Variants in SCUBE1 observed in about 807,000 individuals in gnomAD.
SCUBE1 encodes the protein signal peptide, CUB domain and EGF like domain containing 1, also known as signal peptide, CUB and EGF-like domain-containing protein 1.
Under a neutral mutation model 124.4 loss-of-function variants are expected in SCUBE1, and 59 were observed. The ratio of observed to expected loss-of-function variants is 0.47; its 90% confidence interval spans 0.38 to 0.59. The LOEUF is 0.59. Ranked by LOEUF, SCUBE1 falls within the 20% of genes least tolerant of loss-of-function variation. The pLI is 0.00. For synonymous variants in SCUBE1, 545 were observed against 550.9 expected (o/e 0.99, Z 0.15); for missense variants, 1,150 against 1,371.2 (o/e 0.84, Z 2.55).
intron 7 of SCUBE1, chr22:43,232,211 T>C: frequency 3.8e-6 from 1 of 264,910 alleles, no homozygotes; most frequent in Non-Finnish European, 7.6e-6. Flanking sequence ...CTCTCCCATG[T>C]CCTCTCTTCT....
intron 4 of SCUBE1, among the ~76,000 whole-genome samples, chr22:43,277,157 T>C (rs1924558229): frequency 6.6e-6 from 1 of 151,780 alleles, no homozygotes; most frequent in South Asian, 2.1e-4. Context: ...GGGTTCTCAG[T>C]GAGCGATGGT....
chr22:43,227,594 C>T, intron 9 of SCUBE1, 98 bp from the exon 10 acceptor site: 1 of 1,482,200 alleles, frequency 6.7e-7, no homozygotes, highest in Non-Finnish European at 9.2e-7. Context: ...AATCTCCTGA[C>T]CCCACCGAGT....
intron 4 of SCUBE1, among the ~76,000 whole-genome samples, chr22:43,268,878 G>C (rs755216850): frequency 2.6e-5 from 4 of 152,216 alleles, no homozygotes; most frequent in Non-Finnish European, 5.9e-5. Context: ...TGGAGGGCCA[G>C]GACTGCAGGC....
intron 7 of SCUBE1, chr22:43,238,194 GC>G: frequency 6.5e-6 from 1 of 154,480 alleles, no homozygotes; most frequent in Admixed American, 6.5e-5. Flanking sequence ...TTCCCTCACT[GC>G]CAGCCACCAG....
At chr22:43,215,536 G>A (rs1410446510) in intron 15 of SCUBE1, among the ~76,000 whole-genome samples, 2 of 152,242 alleles carry the variant, frequency 1.3e-5, no homozygotes, top group Non-Finnish European at 2.9e-5. Context: ...AGAAAATGGC[G>A]AGTGAAAGTG....
Position 43,227,377 on chromosome 22 carries a change from C to T in SCUBE1, c.1204G>A (p.Val402Met), listed in dbSNP as rs201262266. Residue 402 changes from valine to methionine, a missense_variant, in exon 10 of 22, where the codon GTG becomes ATG. Coordinates refer to ENST00000360835, the MANE Select transcript of SCUBE1 (RefSeq NM_173050.5). ...RRLHWNGKDC[V>M]ETGKCLSRAK... ...GCAGCACAGGGCGGCCACCTACCCA[C>T]GCAATCCTTCCCGTTCCAGTGGAGC... The T allele has an allele frequency of 2.9e-5, 47 of 1,609,482 alleles. No individual in the cohort carries two copies. Among genetic ancestry groups the T allele is most frequent in the East Asian group, 2.5e-4 (11 of 44,828 alleles).
chr22:43,212,456 G>A lies in SCUBE1; in HGVS notation c.2190C>T (p.Gly730=). 6.4e-7 allele frequency: 1 copy of A among 1,552,648 alleles called. No homozygotes were observed. The highest frequency in any genetic ancestry group is 8.7e-7 in the Non-Finnish European group (1 of 1,147,980). Residue 730 remains glycine (G), a synonymous_variant, in exon 17 of 22, where the codon GGC becomes GGT. Transcript: ENST00000360835. ...CCTCGCAGTCCTGGAAGGAGGTGGT[G>A]CCTTCGTGTTTGGTGAGCAAACCCC... The part of the protein sequence containing the change: ...CGGGLLTKHE[G]TTSFQDCEAK...
At chr22:43,308,088 C>T (rs936247961) in intron 3 of SCUBE1, among the ~76,000 whole-genome samples, 2 of 152,230 alleles carry the variant, frequency 1.3e-5, no homozygotes, top group African/African-American at 4.8e-5. Context: ...AGTCTGCCTC[C>T]CTACACCCCA....
chr22:43,321,974 G>GATTTT (rs1278245767), intron 2 of SCUBE1, among the ~76,000 whole-genome samples: 1 of 152,112 alleles, frequency 6.6e-6, no homozygotes, highest in East Asian at 1.9e-4. Context: ...AAGGCACATA[G>GATTTT]ATTTTATTTT....
At chr22:43,274,888 C>T (rs1041034082) in intron 4 of SCUBE1, among the ~76,000 whole-genome samples, 15 of 152,164 alleles carry the variant, frequency 9.9e-5, no homozygotes, top group African/African-American at 3.4e-4. Context: ...CATGGCCCTT[C>T]GAGGACAAAA....
Position 43,208,104 on chromosome 22 carries a change from T to C in SCUBE1, c.2702A>G (p.Lys901Arg). 1.2e-6 allele frequency: 2 copies of C among 1,614,146 alleles called. No individual in the cohort carries two copies. The highest frequency in any genetic ancestry group is 1.7e-6 in the Non-Finnish European group (2 of 1,180,028). The change falls in exon 20 of 22, where the codon AAA becomes AGA. Residue 901 changes from lysine to arginine, a missense_variant. By Grantham distance (26) the Lys-to-Arg change is conservative. Transcript: ENST00000360835. ...QFKSNEGNSG[K>R]GFQVPYVTYD... ...GGTGACATAGGGCACTTGGAAGCCTTTGCCGCTGTTGCCTTCATTGGATTT... is the reference window on the plus strand; with the variant it reads ...GGTGACATAGGGCACTTGGAAGCCTCTGCCGCTGTTGCCTTCATTGGATTT...
At chr22:43,304,536 C>CAT (rs56410878) in intron 3 of SCUBE1, among the ~76,000 whole-genome samples, 136,409 of 152,134 alleles carry the variant, frequency 0.9, 61,259 homozygotes, top group Middle Eastern at 0.96. Flanking sequence ...CTCTAAGCCA[C>CAT]GAGGACCAGT....
rs115543922 is a variant in SCUBE1 at position 43,316,152 on chromosome 22, G to A, written c.349+3785C>T. On this transcript the variant is annotated intron_variant, in intron 3 of 21. Transcript: ENST00000360835. ...CCAGACACTCTGCTACATGCTCCACGTCCATGATCTCATTTAATCCTCACA... is the reference window on the plus strand; with the variant it reads ...CCAGACACTCTGCTACATGCTCCACATCCATGATCTCATTTAATCCTCACA... 3.8e-3 allele frequency among the ~76,000 whole-genome samples: 576 copies of A among 152,310 alleles called. 5 individuals carry two copies. Among genetic ancestry groups the A allele is most frequent in the African/African-American group, 0.013 (539 of 41,558 alleles).
chr22:43,264,120 C>G (rs1410187890), intron 4 of SCUBE1, among the ~76,000 whole-genome samples: 1 of 152,184 alleles, frequency 6.6e-6, no homozygotes, highest in Non-Finnish European at 1.5e-5. Flanking sequence ...AAGGGTAGAG[C>G]TGGGAACAAA....
At chr22:43,253,003 A>G (rs996706314) in intron 6 of SCUBE1, among the ~76,000 whole-genome samples, 3 of 148,706 alleles carry the variant, frequency 2.0e-5, no homozygotes, top group Admixed American at 6.7e-5. Flanking sequence ...GCAGGATGGG[A>G]ACGGTCACCT....
chr22:43,233,619 C>T (rs1287821660), intron 7 of SCUBE1: 1 of 152,272 alleles, frequency 6.6e-6, no homozygotes, highest in Non-Finnish European at 1.5e-5. Context: ...CCGCTCTGTA[C>T]AGAAGGTAAG....
Position 43,211,199 on chromosome 22 carries a change from C to G in SCUBE1, c.2222-116G>C. On this transcript the variant is annotated intron_variant, in intron 17 of 21. Transcript: ENST00000360835. The surrounding 1 kb of genome is among the most constrained non-coding windows in gnomAD (Gnocchi z 4.5). The stretch of plus-strand genomic sequence containing the variant: ...TCGAGGTCTGTTTTGGCACAGAGTT[C>G]AAGGCTCCTCCCCACCGCCCCATGA... The G allele has an allele frequency of 9.3e-7, 1 of 1,079,044 alleles. No individual in the cohort carries two copies. The highest frequency in any genetic ancestry group is 1.3e-6 in the Non-Finnish European group (1 of 746,874). The allele number at this position is 1,079,044 out of a possible 1,614,324, so 66.8% of individuals were successfully genotyped here.
intron 6 of SCUBE1, among the ~76,000 whole-genome samples, chr22:43,240,917 A>G (rs1922978873): frequency 6.6e-6 from 1 of 152,184 alleles, no homozygotes; most frequent in Admixed American, 6.5e-5. Context: ...GAGGTAATTC[A>G]GGCTCAGGCC....
rs111233851 is a variant in SCUBE1, at chr22:43,215,297, A to G, written c.1892-1046T>C. Among the ~76,000 whole-genome samples the G allele has an allele frequency of 4.4e-3, 675 of 152,282 alleles. 4 individuals are homozygous for G. Among genetic ancestry groups the G allele is most frequent in the African/African-American group, 0.016 (647 of 41,548 alleles). ...GACACAGTGAGCGCCGAACTAAATA[A>G]CATCAGGAATGGATCACCACGCAAT... On this transcript the variant is annotated intron_variant, in intron 15 of 21. Coordinates refer to ENST00000360835, the MANE Select transcript of SCUBE1 (RefSeq NM_173050.5).
Sources: allele counts gnomAD v4.1 joint callset (sites outside exome capture counted in the v4.1 genomes callset), GRCh38; gene constraint gnomAD v4.1.1; non-coding constraint Gnocchi (gnomAD v3.1); transcripts MANE v1.5; gene names NCBI Gene and HGNC (gene_info 2026-07-23, HGNC 2026-07-21).